Variants in COL25A1 observed in about 807,000 individuals in gnomAD.
COL25A1 encodes the protein collagen type XXV alpha 1 chain.
A neutral mutation model predicts 128.4 loss-of-function variants in COL25A1; 103 were observed. That is an observed-to-expected ratio of 0.80 (90% CI 0.68 to 0.94). COL25A1 has a LOEUF of 0.94. Ranked by LOEUF, COL25A1 falls within the 40% of genes least tolerant of loss-of-function variation. COL25A1 has a pLI of 0.00. For missense variants in COL25A1, 745 were observed against 840.0 expected (o/e 0.89, Z 1.40); for synonymous variants, 279 against 277.2 (o/e 1.01, Z -0.06).
At chr4:108,876,658 T>C (rs758109772) in intron 19 of COL25A1, among the ~76,000 whole-genome samples, 1 of 152,330 alleles carries the variant, frequency 6.6e-6, no homozygotes, top group Non-Finnish European at 1.5e-5. Flanking sequence ...ACATAGTAGC[T>C]GGCATCCTGT....
intron 23 of COL25A1, among the ~76,000 whole-genome samples, chr4:108,860,582 T>TA (rs1053296365): frequency 4.6e-5 from 7 of 151,962 alleles, no homozygotes; most frequent in Non-Finnish European, 1.0e-4. Flanking sequence ...CCTTTTTTTT[T>TA]AAAAAAAGAC....
chr4:109,114,191 G>A (rs1767302588), intron 3 of COL25A1, among the ~76,000 whole-genome samples: 1 of 152,026 alleles, frequency 6.6e-6, no homozygotes, highest in Non-Finnish European at 1.5e-5. Flanking sequence ...AGAAAATCTA[G>A]AATGAACACT....
chr4:109,045,019 TCTC>T (rs1417620855), intron 5 of COL25A1, among the ~76,000 whole-genome samples: 3 of 152,134 alleles, frequency 2.0e-5, no homozygotes, highest in African/African-American at 7.2e-5. Flanking sequence ...TTTTCGTCCT[TCTC>T]CTCCTCAGAT....
intron 6 of COL25A1, among the ~76,000 whole-genome samples, chr4:109,009,369 C>T (rs186016611): frequency 6.6e-6 from 1 of 152,258 alleles, no homozygotes; most frequent in East Asian, 1.9e-4. Context: ...AAAACTTTCT[C>T]ATAAGCTTGG....
In COL25A1 at chr4:109,091,633, T is replaced by A. The variant is rs1002539449; in HGVS notation, c.368-41454A>T. On this transcript the variant is annotated intron_variant, in intron 3 of 37. Coordinates refer to ENST00000399132, the MANE Select transcript of COL25A1 (RefSeq NM_198721.4). The stretch of plus-strand genomic sequence containing the variant: ...AGAGCATATATCACTTCCTGAGAGT[T>A]CTTTTAGAAGTCAGCTAAAGCATTT... 6.6e-5 allele frequency among the ~76,000 whole-genome samples: 10 copies of A among 152,120 alleles called. No individual in the cohort carries two copies. In the East Asian group the frequency reaches 9.6e-4, roughly 15 times the overall value.
At chr4:109,257,907 A>G (rs1181913196) in intron 3 of COL25A1, among the ~76,000 whole-genome samples, 1 of 152,252 alleles carries the variant, frequency 6.6e-6, no homozygotes, top group Admixed American at 6.5e-5. Flanking sequence ...GGAGAAGGAA[A>G]GAGAATTTCA....
intron 6 of COL25A1, among the ~76,000 whole-genome samples, chr4:108,995,760 A>G (rs899821713): frequency 6.6e-6 from 1 of 152,230 alleles, no homozygotes; most frequent in Non-Finnish European, 1.5e-5. Flanking sequence ...TCAGACTAAC[A>G]GTGGATCTCT....
intron 3 of COL25A1, among the ~76,000 whole-genome samples, chr4:109,057,150 G>A (rs76218672): frequency 0.089 from 13,526 of 152,244 alleles, 653 homozygotes; most frequent in Middle Eastern, 0.11. Flanking sequence ...GTGAGCCATC[G>A]TCCCTGGCCT....
At chr4:108,928,932 A>T (rs1746406248) in intron 11 of COL25A1, among the ~76,000 whole-genome samples, 1 of 152,188 alleles carries the variant, frequency 6.6e-6, no homozygotes. Flanking sequence ...CCCAAGACTG[A>T]AATCAGGTGA....
intron 31 of COL25A1, among the ~76,000 whole-genome samples, chr4:108,841,086 G>A (rs1734394967): frequency 6.6e-6 from 1 of 152,204 alleles, no homozygotes; most frequent in African/African-American, 2.4e-5. Context: ...CAAAGGACAG[G>A]TGGAGACCAT....
At chr4:108,853,164 G>T (rs1325530043) in intron 24 of COL25A1, among the ~76,000 whole-genome samples, 1 of 152,012 alleles carries the variant, frequency 6.6e-6, no homozygotes, top group Admixed American at 6.6e-5. Flanking sequence ...AAAAAGAAAT[G>T]TCAAAATTTT....
intron 24 of COL25A1, among the ~76,000 whole-genome samples, chr4:108,857,509 A>G (rs1736667392): frequency 6.7e-6 from 1 of 149,468 alleles, no homozygotes; most frequent in African/African-American, 2.4e-5. Context: ...TTCTGTTTGT[A>G]TTTTACCAGA....
intron 3 of COL25A1, among the ~76,000 whole-genome samples, chr4:109,063,397 G>A (rs548079689): frequency 2.7e-4 from 41 of 152,118 alleles, no homozygotes; most frequent in Non-Finnish European, 5.3e-4. Flanking sequence ...CAGCTACTCA[G>A]GAGGCTGAGG....
intron 3 of COL25A1, among the ~76,000 whole-genome samples, chr4:109,060,664 A>C (rs1394204741): frequency 1.3e-5 from 2 of 151,232 alleles, no homozygotes; most frequent in African/African-American, 2.4e-5. Flanking sequence ...TTGGGTGCTC[A>C]GTACCAACTC....
intron 13 of COL25A1, among the ~76,000 whole-genome samples, chr4:108,902,994 T>G (rs1743023143): frequency 6.6e-6 from 1 of 151,782 alleles, no homozygotes; most frequent in Non-Finnish European, 1.5e-5. Flanking sequence ...AAATAAGAGA[T>G]GCCGCCAGGA....
intron 3 of COL25A1, among the ~76,000 whole-genome samples, chr4:109,245,287 C>G (rs1780185886): frequency 6.6e-6 from 1 of 152,112 alleles, no homozygotes; most frequent in Non-Finnish European, 1.5e-5. Flanking sequence ...TCTGCAAGGT[C>G]TCCAGGAACT....
At chr4:109,074,258 C>G (rs1763217900) in intron 3 of COL25A1, among the ~76,000 whole-genome samples, 1 of 152,180 alleles carries the variant, frequency 6.6e-6, no homozygotes, top group African/African-American at 2.4e-5. Context: ...CAGTTCCTAA[C>G]AGGCCAAGGA....
At chr4:108,958,197 A>C (rs1750288785) in intron 8 of COL25A1, among the ~76,000 whole-genome samples, 1 of 152,118 alleles carries the variant, frequency 6.6e-6, no homozygotes, top group Non-Finnish European at 1.5e-5. Context: ...TCCTCTTAAG[A>C]TTTGTCAATA....
At chr4:109,180,878 A>G (rs971475281) in intron 3 of COL25A1, among the ~76,000 whole-genome samples, 2 of 152,200 alleles carry the variant, frequency 1.3e-5, no homozygotes, top group African/African-American at 4.8e-5. Context: ...AAAACACAAT[A>G]TTAAAACATG....
Sources: allele counts gnomAD v4.1 joint callset (sites outside exome capture counted in the v4.1 genomes callset), GRCh38; gene constraint gnomAD v4.1.1; transcripts MANE v1.5; gene names NCBI Gene and HGNC (gene_info 2026-07-23, HGNC 2026-07-21).